NCEH1: variants seen among roughly 807,000 people sequenced by gnomAD.
NCEH1 encodes 2-acetyl MAGE hydrolase.
A neutral mutation model predicts 25.4 loss-of-function variants in NCEH1; 9 were observed. The ratio of observed to expected loss-of-function variants is 0.35; its 90% CI spans 0.21 to 0.62. The LOEUF is 0.62. Among genes scored for constraint, NCEH1 ranks in the 20% least tolerant of loss-of-function variants. NCEH1 has a pLI of 0.72. For synonymous variants in NCEH1, 200 were observed against 199.8 expected (o/e 1.00, Z -0.01); for missense variants, 412 against 501.1 (o/e 0.82, Z 1.70).
At chr3:172,693,320 A>C (rs1713170319) in intron 1 of NCEH1, among the ~76,000 whole-genome samples, 1 of 152,242 alleles carries the variant, frequency 6.6e-6, no homozygotes, top group Admixed American at 6.5e-5. Flanking sequence ...CAACATCTAT[A>C]AAAAGACCCT....
chr3:172,686,794 C>T (rs1259808268), intron 1 of NCEH1, among the ~76,000 whole-genome samples: 1 of 152,188 alleles, frequency 6.6e-6, no homozygotes, highest in Non-Finnish European at 1.5e-5. Context: ...ACCAGCTTCC[C>T]GTTTTCTCAC....
intron 3 of NCEH1, among the ~76,000 whole-genome samples, chr3:172,641,534 G>C (rs75434231): frequency 0.047 from 7,164 of 152,230 alleles, 206 homozygotes; most frequent in Non-Finnish European, 0.063. Context: ...CCACATGAAA[G>C]AATAGCAAAG....
At position 172,631,066 on chromosome 3, in the gene NCEH1, C is replaced by G. The variant is rs1477572331; in HGVS notation, c.*2409G>C. 6.7e-6 allele frequency: 1 copy of G among 150,346 alleles called. No homozygotes were observed. The highest frequency in any genetic ancestry group is 1.5e-5 in the Non-Finnish European group (1 of 67,640). 9.3% of individuals were successfully genotyped at this position (150,346 alleles called of 1,614,324 possible). On this transcript the variant is annotated 3_prime_UTR_variant, in exon 5 of 5. Coordinates refer to ENST00000475381, the MANE Select transcript of NCEH1 (RefSeq NM_020792.6). ...AGTGTAAACATTTTTTATAAGAATA[C>G]AAACTAAAAGAACAATGAAACTCAA...
chr3:172,678,225 T>A (rs1398927420), intron 1 of NCEH1, among the ~76,000 whole-genome samples: 1 of 152,178 alleles, frequency 6.6e-6, no homozygotes, highest in Non-Finnish European at 1.5e-5. Flanking sequence ...ACATAAACAG[T>A]GTCTGAGAAA....
Position 172,681,419 on chromosome 3 carries a change from C to T in NCEH1, c.138+29428G>A, listed in dbSNP as rs1712368446. Among the ~76,000 whole-genome samples the T allele has an allele frequency of 1.3e-5, 2 of 152,134 alleles. 1 individual carries two copies. The highest frequency in any genetic ancestry group is 4.1e-4 in the South Asian group (2 of 4,828). On this transcript the variant is annotated intron_variant, in intron 1 of 4. Transcript: ENST00000475381. ...AATTTTCAAATTTTCATTTTGAACA[C>T]AATAAACGTATCCAAAGGTGAAAAT...
At chr3:172,706,176 A>T (rs1310231009) in intron 1 of NCEH1, among the ~76,000 whole-genome samples, 1 of 152,110 alleles carries the variant, frequency 6.6e-6, no homozygotes, top group African/African-American at 2.4e-5. Context: ...TGGATTAAAA[A>T]AAGCTTTAAA....
chr3:172,634,164 T>C, intron 4 of NCEH1, 72 bp from the exon 5 acceptor site: 1 of 1,396,672 alleles, frequency 7.2e-7, no homozygotes, highest in Non-Finnish European at 9.8e-7. Context: ...CCCTGTAGAG[T>C]AGCTTCATGT....
Position 172,634,171 on chromosome 3 carries a change from A to C in NCEH1, c.610-79T>G, listed in dbSNP as rs574223228. ...GAACCATACCCTGTAGAGTAGCTTC[A>C]TGTGTTACTCTGAATCTGTCAATGG... On this transcript the variant is annotated intron_variant, in intron 4 of 4. Transcript: ENST00000475381. The C allele has an allele frequency of 3.2e-4, 418 of 1,317,912 alleles. 1 individual carries two copies. The highest frequency in any genetic ancestry group is 5.4e-4 in the Middle Eastern group (2 of 3,676). The allele number at this position is 1,317,912 out of a possible 1,614,324, so 81.6% of individuals were successfully genotyped here.
At chr3:172,697,233 T>C (rs1042772237) in intron 1 of NCEH1, among the ~76,000 whole-genome samples, 3 of 151,922 alleles carry the variant, frequency 2.0e-5, no homozygotes, top group African/African-American at 7.3e-5. Flanking sequence ...CCGGCCAATA[T>C]ATATCTTTAA....
In NCEH1 at chr3:172,631,712, T is replaced by C. The variant is rs1577046203; in HGVS notation, c.*1763A>G. The C allele has an allele frequency of 6.6e-6, 1 of 152,628 alleles. No individual in the cohort carries two copies. The highest frequency in any genetic ancestry group is 2.4e-5 in the African/African-American group (1 of 41,450). The allele number at this position is 152,628 out of a possible 1,614,324, so 9.5% of individuals were successfully genotyped here. A position where few individuals can be genotyped will look rare whatever the true frequency, so the allele number is the denominator to read the frequency against. On this transcript the variant is annotated 3_prime_UTR_variant, in exon 5 of 5. Transcript: ENST00000475381. ...TTGTACATAAAATGCTACTGGCTCA[T>C]ACAATACATCAATAAGTATGCAACT...
chr3:172,701,786 A>G (rs550888488), intron 1 of NCEH1, among the ~76,000 whole-genome samples: 1 of 151,700 alleles, frequency 6.6e-6, no homozygotes, highest in Admixed American at 6.6e-5. Flanking sequence ...CTTACATTCC[A>G]GTGTCTACAC....
intron 1 of NCEH1, among the ~76,000 whole-genome samples, chr3:172,651,920 A>G (rs867543670): frequency 6.6e-6 from 1 of 152,206 alleles, no homozygotes; most frequent in Non-Finnish European, 1.5e-5. Flanking sequence ...GAAGTCTCCT[A>G]GAATAGAAAG....
At chr3:172,636,312 AT>A (rs529028595) in intron 3 of NCEH1, 4 of 317,946 alleles carry the variant, frequency 1.3e-5, no homozygotes, top group South Asian at 7.9e-5. Flanking sequence ...TAATAGTACT[AT>A]TTTTCTTTAA....
chr3:172,675,309 A>AT (rs1413516098), intron 1 of NCEH1, among the ~76,000 whole-genome samples: 327 of 95,470 alleles, frequency 3.4e-3, no homozygotes, highest in African/African-American at 7.8e-3. Context: ...TCTCAAATAA[A>AT]TAAATAAATA....
intron 1 of NCEH1, among the ~76,000 whole-genome samples, chr3:172,707,490 T>C (rs1171200572): frequency 1.3e-5 from 2 of 152,238 alleles, no homozygotes; most frequent in African/African-American, 2.4e-5. Flanking sequence ...GGAAAATATA[T>C]TGTCTACAAC....
rs764785215 is a variant in NCEH1, at chr3:172,633,990, C to T, written c.712G>A (p.Val238Met). 2.5e-6 allele frequency: 4 copies of T among 1,614,068 alleles called. No individual in the cohort carries two copies. The highest frequency in any genetic ancestry group is 1.3e-5 in the African/African-American group (1 of 74,916). The part of the protein sequence containing the change: ...DFNTPSYQQN[V>M]NTPILPRYVM... ...TAGCGGGGCAGGATTGGGGTGTTCA[C>T]ATTTTGCTGATAAGATGGTGTGTTA... The change falls in exon 5 of 5, where the codon GTG becomes ATG. Residue 238 changes from valine to methionine, a missense_variant. Physicochemically the swap from Val to Met is conservative, Grantham distance 21. Around this residue, in one of 3 missense-constraint regions of NCEH1, gnomAD observed 210 missense variants for 258.2 expected, o/e 0.81. Coordinates refer to ENST00000475381, the MANE Select transcript of NCEH1 (RefSeq NM_020792.6).
chr3:172,691,501 T>C (rs932455902), intron 1 of NCEH1, among the ~76,000 whole-genome samples: 2 of 152,298 alleles, frequency 1.3e-5, no homozygotes, highest in African/African-American at 4.8e-5. Flanking sequence ...GTTTACTTTG[T>C]GCCAGGTACT....
intron 2 of NCEH1, among the ~76,000 whole-genome samples, chr3:172,646,982 G>A (rs1001000330): frequency 2.6e-5 from 4 of 151,720 alleles, no homozygotes; most frequent in Non-Finnish European, 5.9e-5. Flanking sequence ...CCTTGGTCTC[G>A]GGCAAACCTA....
chr3:172,694,390 GTGTC>G (rs1400059735), intron 1 of NCEH1, among the ~76,000 whole-genome samples: 14 of 148,356 alleles, frequency 9.4e-5, no homozygotes, highest in African/African-American at 2.4e-4. Flanking sequence ...GTGTGTGTGT[GTGTC>G]TGTGTGTGTG....
Sources: gnomAD v4.1 joint callset for allele counts (sites outside exome capture counted in the v4.1 genomes callset) on GRCh38, gnomAD v4.1.1 for gene constraint, gnomAD v4.1.1 regional missense constraint, MANE v1.5 for transcripts, NCBI Gene and HGNC (gene_info 2026-07-23, HGNC 2026-07-21) for gene names.